The following SGCZ variants were observed in gnomAD, a reference collection of about 807,000 sequenced individuals.
SGCZ encodes the protein zeta-sarcoglycan.
A neutral mutation model predicts 41.3 loss-of-function variants in SGCZ; 40 were observed. The observed-to-expected ratio is 0.97, with a 90% CI of 0.75 to 1.26. The LOEUF (loss-of-function observed/expected upper bound fraction) is 1.26. SGCZ is among the 50% of genes most tolerant of loss of function. The pLI is 0.00. For synonymous variants in SGCZ, 206 were observed against 137.5 expected, an observed-to-expected ratio of 1.50 and a Z score of -3.49; for missense variants, 552 against 369.8, an observed-to-expected ratio of 1.49 and a Z score of -4.04.
chr8:14,661,426 A>T (rs933529511), intron 1 of SGCZ, among the ~76,000 whole-genome samples: 3 of 152,170 alleles, frequency 2.0e-5, no homozygotes, highest in Non-Finnish European at 4.4e-5. Context: ...TTACAATTAA[A>T]ATGTAACTTA....
At chr8:14,313,897 T>C (rs1009761219) in intron 3 of SGCZ, among the ~76,000 whole-genome samples, 20 of 144,834 alleles carry the variant, frequency 1.4e-4, no homozygotes, top group Non-Finnish European at 2.9e-4. Context: ...AAGTATAGGG[T>C]TATATCATCT....
intron 3 of SGCZ, among the ~76,000 whole-genome samples, chr8:14,244,190 C>G (rs1236742905): frequency 6.7e-6 from 1 of 149,008 alleles, no homozygotes; most frequent in Non-Finnish European, 1.5e-5. Context: ...CTTCTTCCTC[C>G]TCCTCTTCCT....
chr8:14,347,672 T>C (rs1245771397), intron 2 of SGCZ, among the ~76,000 whole-genome samples: 1 of 151,810 alleles, frequency 6.6e-6, no homozygotes, highest in Non-Finnish European at 1.5e-5. Context: ...TAAATAAAAT[T>C]ATTTTCATCA....
intron 5 of SGCZ, among the ~76,000 whole-genome samples, chr8:14,150,716 T>C (rs1368002313): frequency 6.6e-6 from 1 of 152,178 alleles, no homozygotes; most frequent in African/African-American, 2.4e-5. Context: ...AAGAGATATC[T>C]ACATGCCTGT....
At chr8:14,277,899 G>C (rs1418007532) in intron 3 of SGCZ, among the ~76,000 whole-genome samples, 1 of 151,930 alleles carries the variant, frequency 6.6e-6, no homozygotes, top group South Asian at 2.1e-4. Flanking sequence ...ACCAGAGAGA[G>C]AGAAAAAGAA....
intron 1 of SGCZ, among the ~76,000 whole-genome samples, chr8:15,033,239 G>C (rs1421357003): frequency 6.6e-6 from 1 of 151,684 alleles, no homozygotes; most frequent in African/African-American, 2.4e-5. Context: ...CATAGACCTA[G>C]CCTCCAGCCC....
chr8:15,205,022 T>A (rs1482052150), intron 1 of SGCZ, among the ~76,000 whole-genome samples: 1 of 152,174 alleles, frequency 6.6e-6, no homozygotes, highest in Non-Finnish European at 1.5e-5. Context: ...AAATAGAATT[T>A]TTTCATGAAA....
At chr8:14,289,858 T>C (rs1323465414) in intron 3 of SGCZ, among the ~76,000 whole-genome samples, 2 of 151,760 alleles carry the variant, frequency 1.3e-5, no homozygotes, top group African/African-American at 4.8e-5. Flanking sequence ...AGAGGTTTAA[T>C]TGACTTACAG....
At chr8:14,474,610 A>T (rs1488121757) in intron 2 of SGCZ, among the ~76,000 whole-genome samples, 1 of 152,228 alleles carries the variant, frequency 6.6e-6, no homozygotes, top group Non-Finnish European at 1.5e-5. Flanking sequence ...CTGTATAAAA[A>T]ATTAAAACAT....
At chr8:14,827,039 G>C (rs143299274) in intron 1 of SGCZ, among the ~76,000 whole-genome samples, 21,277 of 151,620 alleles carry the variant, frequency 0.14, 2,162 homozygotes, top group East Asian at 0.28. Context: ...TATTGCCTCG[G>C]TTTTCTTCTA....
chr8:14,806,027 A>C (rs1585276937), intron 1 of SGCZ, among the ~76,000 whole-genome samples: 1 of 151,570 alleles, frequency 6.6e-6, no homozygotes, highest in Admixed American at 6.6e-5. Context: ...GTTCTTTGAA[A>C]CCAACGAGAA....
At chr8:14,193,470 C>T (rs938936838) in intron 4 of SGCZ, among the ~76,000 whole-genome samples, 8 of 151,922 alleles carry the variant, frequency 5.3e-5, no homozygotes, top group East Asian at 1.9e-4. Context: ...TCAATATACA[C>T]GGACATATAC....
chr8:14,567,626 G>C (rs901708114), intron 1 of SGCZ, among the ~76,000 whole-genome samples: 9 of 152,136 alleles, frequency 5.9e-5, no homozygotes, highest in African/African-American at 1.9e-4. Flanking sequence ...CAACCAGCTG[G>C]GGTCCCCTTC....
chr8:14,549,794 C>A (rs1251112602), intron 2 of SGCZ, among the ~76,000 whole-genome samples: 1 of 151,782 alleles, frequency 6.6e-6, no homozygotes, highest in South Asian at 2.1e-4. Flanking sequence ...CCAGAAAAGG[C>A]CACATAAATA....
chr8:15,098,431 T>C (rs1322352361), intron 1 of SGCZ, among the ~76,000 whole-genome samples: 2 of 152,150 alleles, frequency 1.3e-5, no homozygotes, highest in African/African-American at 2.4e-5. Flanking sequence ...ACCCGCCTAG[T>C]ATCACACAGC....
chr8:14,263,475 G>A (rs959230138), intron 3 of SGCZ, among the ~76,000 whole-genome samples: 2 of 152,128 alleles, frequency 1.3e-5, no homozygotes, highest in African/African-American at 2.4e-5. Context: ...CTTGAACCCA[G>A]GAGGCGGATG....
At chr8:14,415,202 T>C (rs1429820432) in intron 2 of SGCZ, among the ~76,000 whole-genome samples, 1 of 151,930 alleles carries the variant, frequency 6.6e-6, no homozygotes, top group African/African-American at 2.4e-5. Flanking sequence ...TTCACAAGTG[T>C]TCATGATTCA....
At chr8:14,622,857 A>G (rs1391219644) in intron 1 of SGCZ, among the ~76,000 whole-genome samples, 2 of 152,224 alleles carry the variant, frequency 1.3e-5, no homozygotes, top group African/African-American at 4.8e-5. Flanking sequence ...CAATAAAATG[A>G]CAATTCATTT....
chr8:14,974,981 T>G (rs1441015518), intron 1 of SGCZ, among the ~76,000 whole-genome samples: 2 of 152,142 alleles, frequency 1.3e-5, no homozygotes, highest in Non-Finnish European at 2.9e-5. Context: ...GTTATCTCTC[T>G]GCTATGTCTC....
Sources: gnomAD v4.1 joint callset for allele counts (sites outside exome capture counted in the v4.1 genomes callset) on GRCh38, gnomAD v4.1.1 for gene constraint, MANE v1.5 for transcripts, NCBI Gene and HGNC (gene_info 2026-07-23, HGNC 2026-07-21) for gene names.